FILIP1L: variants seen among roughly 807,000 people sequenced by gnomAD.
FILIP1L encodes the protein filamin A interacting protein 1 like.
FILIP1L carries 55 observed loss-of-function variants against 96.6 expected under a neutral mutation model. That is an observed-to-expected ratio of 0.57 (90% CI 0.46 to 0.71). FILIP1L has a LOEUF of 0.71. FILIP1L is among the 30% of genes least tolerant of loss of function. The pLI is 0.00. For missense variants in FILIP1L, 1,304 were observed against 1,321.2 expected, an observed-to-expected ratio of 0.99 and a Z score of 0.20; for synonymous variants, 467 against 473.9, an observed-to-expected ratio of 0.99 and a Z score of 0.19.
Position 99,983,430 on chromosome 3 carries a change from ATG to A in FILIP1L, c.-10-52402_-10-52401del, listed in dbSNP as rs1277625102. ...TATATATATATATATGTATGTATGTATGTATATATATGTATGTATATATATAT... is the reference window on the plus strand; with the variant it reads ...TATATATATATATATGTATGTATGTATATATATATGTATGTATATATATAT... On this transcript the variant is annotated intron_variant, in intron 1 of 5. Coordinates refer to ENST00000477258, the MANE Select transcript of FILIP1L (RefSeq NM_001387850.1). Among the ~76,000 whole-genome samples, 199 of 93,760 alleles carry A rather than the reference ATG, an allele frequency of 2.1e-3. 9 individuals carry two copies. The highest frequency in any genetic ancestry group is 8.4e-3 in the African/African-American group (180 of 21,392). The allele number at this position is 93,760 out of a possible 152,430, so 61.5% of individuals were successfully genotyped here.
chr3:100,011,354 T>C (rs771368258), intron 1 of FILIP1L, among the ~76,000 whole-genome samples: 5 of 152,178 alleles, frequency 3.3e-5, no homozygotes, highest in African/African-American at 4.8e-5. Flanking sequence ...CATCATGCCA[T>C]GCCCAGCGTG....
At position 100,088,629 on chromosome 3, in the gene FILIP1L, G is replaced by A. The variant is rs1559753473; in HGVS notation, c.-11+25424C>T. ...AGTCTTACAGAGACATCAAGTTCTT[G>A]CACTTTCTCTCCTTCTCTGCAGTTT... On this transcript the variant is annotated intron_variant, in intron 1 of 5. Coordinates refer to ENST00000477258, the MANE Select transcript of FILIP1L (RefSeq NM_001387850.1). Among the ~76,000 whole-genome samples the A allele has an allele frequency of 2.0e-5, 3 of 152,162 alleles. No individual in the cohort carries two copies. The East Asian group carries it at 5.8e-4, about 29-fold the overall frequency.
intron 1 of FILIP1L, among the ~76,000 whole-genome samples, chr3:100,101,050 G>T (rs1440956352): frequency 6.6e-6 from 1 of 152,172 alleles, no homozygotes; most frequent in Non-Finnish European, 1.5e-5. Flanking sequence ...AGATTTTGGA[G>T]TACCTTGACC....
At chr3:100,041,663 C>T (rs1010952263) in intron 1 of FILIP1L, among the ~76,000 whole-genome samples, 2 of 152,066 alleles carry the variant, frequency 1.3e-5, no homozygotes, top group Non-Finnish European at 2.9e-5. Flanking sequence ...AATAGAATTA[C>T]TTGTATGTAT....
chr3:100,032,536 G>A (rs566873388), intron 1 of FILIP1L, among the ~76,000 whole-genome samples: 8 of 152,176 alleles, frequency 5.3e-5, no homozygotes, highest in African/African-American at 1.9e-4. Context: ...TTCCCCTTTC[G>A]CAAAAACTGA....
At chr3:99,911,338 GTTA>G in intron 4 of FILIP1L, among the ~76,000 whole-genome samples, 1 of 148,718 alleles carries the variant, frequency 6.7e-6, no homozygotes, top group East Asian at 1.9e-4. Context: ...TATATTATAT[GTTA>G]TTATAACAAA....
chr3:100,006,375 C>G (rs1709985869), intron 1 of FILIP1L, among the ~76,000 whole-genome samples: 1 of 152,088 alleles, frequency 6.6e-6, no homozygotes, highest in African/African-American at 2.4e-5. Flanking sequence ...CCTTTGAATA[C>G]CTTTGCCAAC....
At chr3:99,973,287 C>G (rs1397492562) in intron 1 of FILIP1L, among the ~76,000 whole-genome samples, 1 of 152,090 alleles carries the variant, frequency 6.6e-6, no homozygotes, top group East Asian at 1.9e-4. Flanking sequence ...TTTAAATATT[C>G]ATTTGAGAAT....
At chr3:100,074,227 T>C (rs1040609953) in intron 1 of FILIP1L, among the ~76,000 whole-genome samples, 1 of 152,220 alleles carries the variant, frequency 6.6e-6, no homozygotes, top group Non-Finnish European at 1.5e-5. Flanking sequence ...ACAGCCCCCC[T>C]GGGCCTCCAG....
chr3:100,062,098 T>C (rs938786496), intron 1 of FILIP1L, among the ~76,000 whole-genome samples: 22 of 55,768 alleles, frequency 3.9e-4, no homozygotes, highest in Non-Finnish European at 6.9e-4. Context: ...TTCTTCTTTT[T>C]TTTTTTTTTT....
At chr3:99,963,636 G>A (rs1310767579) in intron 1 of FILIP1L, among the ~76,000 whole-genome samples, 1 of 151,646 alleles carries the variant, frequency 6.6e-6, no homozygotes, top group Non-Finnish European at 1.5e-5. Context: ...TTTTTAGACG[G>A]AGTGTCGCTC....
chr3:99,997,261 G>A (rs1036375041), intron 1 of FILIP1L, among the ~76,000 whole-genome samples: 1 of 152,100 alleles, frequency 6.6e-6, no homozygotes, highest in African/African-American at 2.4e-5. Flanking sequence ...AATCAGAAAT[G>A]ATAAAAGGAG....
At chr3:99,936,206 G>A (rs1176928162) in intron 1 of FILIP1L, among the ~76,000 whole-genome samples, 1 of 151,834 alleles carries the variant, frequency 6.6e-6, no homozygotes, top group East Asian at 1.9e-4. Context: ...ATTTAATATG[G>A]TATCGAGGTA....
intron 1 of FILIP1L, among the ~76,000 whole-genome samples, chr3:100,053,553 C>T (rs966928979): frequency 2.0e-5 from 3 of 152,206 alleles, no homozygotes; most frequent in Non-Finnish European, 4.4e-5. Context: ...CTCATCTTAA[C>T]TTGATTACGT....
At chr3:99,862,022 A>G (rs1286683519) in intron 4 of FILIP1L, among the ~76,000 whole-genome samples, 1 of 152,224 alleles carries the variant, frequency 6.6e-6, no homozygotes, top group Non-Finnish European at 1.5e-5. Context: ...GCCTGGCACA[A>G]TACATGTCCG....
At chr3:100,048,537 T>C (rs571963659) in intron 1 of FILIP1L, among the ~76,000 whole-genome samples, 2 of 152,298 alleles carry the variant, frequency 1.3e-5, no homozygotes, top group African/African-American at 4.8e-5. Flanking sequence ...TGCAAAGTTA[T>C]TGTGACACAA....
chr3:100,059,057 G>A (rs1316154650), intron 1 of FILIP1L, among the ~76,000 whole-genome samples: 1 of 152,072 alleles, frequency 6.6e-6, no homozygotes, highest in African/African-American at 2.4e-5. Context: ...CTACCTTTAG[G>A]GTAATTTCTC....
intron 1 of FILIP1L, among the ~76,000 whole-genome samples, chr3:100,097,407 C>T (rs2066229035): frequency 6.6e-6 from 1 of 152,202 alleles, no homozygotes; most frequent in African/African-American, 2.4e-5. Context: ...TTTTATATCA[C>T]TGACTTGAAC....
At chr3:100,063,213 C>T (rs2065604165) in intron 1 of FILIP1L, among the ~76,000 whole-genome samples, 1 of 152,158 alleles carries the variant, frequency 6.6e-6, no homozygotes, top group Non-Finnish European at 1.5e-5. Context: ...TAGAACTTCA[C>T]CTCTGGCTCA....
Sources: gnomAD v4.1 joint callset for allele counts (sites outside exome capture counted in the v4.1 genomes callset) on GRCh38, gnomAD v4.1.1 for gene constraint, MANE v1.5 for transcripts, NCBI Gene and HGNC (gene_info 2026-07-23, HGNC 2026-07-21) for gene names.